Variants in CNTNAP2 observed in about 807,000 individuals in gnomAD.
CNTNAP2 encodes contactin associated protein 2, also known as contactin-associated protein-like 2.
In CNTNAP2, 98 loss-of-function variants were observed where a neutral mutation model predicts 155.2. The observed-to-expected ratio is 0.63, with a 90% CI of 0.54 to 0.75. The LOEUF is 0.75. Ranked by LOEUF, CNTNAP2 falls within the 30% of genes least tolerant of loss-of-function variation. CNTNAP2 has a pLI of 0.00. For synonymous variants in CNTNAP2, 651 were observed against 631.2 expected (o/e 1.03, Z -0.47); for missense variants, 1,727 against 1,688.1 (o/e 1.02, Z -0.40).
At chr7:146,331,801 A>G (rs970898439) in intron 1 of CNTNAP2, among the ~76,000 whole-genome samples, 2 of 152,210 alleles carry the variant, frequency 1.3e-5, no homozygotes, top group African/African-American at 4.8e-5. Flanking sequence ...AGTCATCTCT[A>G]ACTGGTCACA....
intron 15 of CNTNAP2, among the ~76,000 whole-genome samples, chr7:148,011,362 G>A (rs1802077718): frequency 6.6e-6 from 1 of 151,918 alleles, no homozygotes; most frequent in Admixed American, 6.6e-5. Flanking sequence ...TTTCCTTTTG[G>A]TACATTTTAA....
intron 15 of CNTNAP2, among the ~76,000 whole-genome samples, chr7:148,056,067 T>G (rs1209822005): frequency 6.6e-6 from 1 of 152,164 alleles, no homozygotes; most frequent in African/African-American, 2.4e-5. Context: ...CTCAGTGACT[T>G]TGAATAAAAG....
intron 3 of CNTNAP2, among the ~76,000 whole-genome samples, chr7:146,979,639 G>C (rs1797976338): frequency 6.6e-6 from 1 of 152,110 alleles, no homozygotes; most frequent in South Asian, 2.1e-4. Flanking sequence ...CCAACACTAT[G>C]AGCAGTGTTG....
chr7:146,837,142 T>A (rs1803633498), intron 2 of CNTNAP2, among the ~76,000 whole-genome samples: 1 of 152,122 alleles, frequency 6.6e-6, no homozygotes, highest in Non-Finnish European at 1.5e-5. Flanking sequence ...TCAAACATAT[T>A]TTATTCTGAC....
In CNTNAP2 at chr7:147,974,934, A is replaced by G. The variant is rs573792123; in HGVS notation, c.2256-2928A>G. Among the ~76,000 whole-genome samples, 16 of 151,662 alleles carry G rather than the reference A, an allele frequency of 1.1e-4. No individual in the cohort carries two copies. The East Asian group carries it at 2.5e-3, about 24-fold the overall frequency. On this transcript the variant is annotated intron_variant, in intron 14 of 23. Transcript: ENST00000361727. ...AAATGACAATAGAATATTCATTCTT[A>G]TTGTTGTATTATATTTTATTTATAT...
Position 147,584,275 on chromosome 7 carries a change from C to G in CNTNAP2, c.1897+22018C>G, listed in dbSNP as rs114256714. 5.7e-3 allele frequency among the ~76,000 whole-genome samples: 870 copies of G among 152,258 alleles called. 4 individuals carry two copies. The highest frequency in any genetic ancestry group is 0.02 in the African/African-American group (812 of 41,534). On this transcript the variant is annotated intron_variant, in intron 12 of 23. Transcript: ENST00000361727. ...ACGATAGAGTGGTGTATCTTACAATCCATGGCCTCCTAATTATGAAATATA... is the reference window on the plus strand; with the variant it reads ...ACGATAGAGTGGTGTATCTTACAATGCATGGCCTCCTAATTATGAAATATA...
chr7:147,637,192 T>A (rs1313902952), intron 12 of CNTNAP2, among the ~76,000 whole-genome samples: 1 of 152,046 alleles, frequency 6.6e-6, no homozygotes, highest in Non-Finnish European at 1.5e-5. Context: ...CTCACTTATA[T>A]TTGAAAAACC....
intron 1 of CNTNAP2, among the ~76,000 whole-genome samples, chr7:146,130,952 C>T (rs1347556428): frequency 2.0e-5 from 3 of 152,150 alleles, no homozygotes; most frequent in African/African-American, 7.2e-5. Context: ...ATCCAGTCAC[C>T]CCCAACCAGG....
chr7:147,499,038 G>A (rs1798763361), intron 11 of CNTNAP2, among the ~76,000 whole-genome samples: 1 of 152,142 alleles, frequency 6.6e-6, no homozygotes, highest in Admixed American at 6.5e-5. Flanking sequence ...TAAGAAAACT[G>A]TGTTTTCATT....
intron 13 of CNTNAP2, among the ~76,000 whole-genome samples, chr7:147,719,329 T>C (rs1276330938): frequency 6.6e-6 from 1 of 152,096 alleles, no homozygotes; most frequent in Non-Finnish European, 1.5e-5. Flanking sequence ...TTCTCTCTGG[T>C]AGACATAGCT....
intron 1 of CNTNAP2, among the ~76,000 whole-genome samples, chr7:146,616,799 A>C (rs1799232051): frequency 6.6e-6 from 1 of 152,168 alleles, no homozygotes; most frequent in African/African-American, 2.4e-5. Flanking sequence ...CCTTTTCTGT[A>C]TCGGGTTTGC....
chr7:148,380,280 CTTT>C (rs1799023943), intron 21 of CNTNAP2, among the ~76,000 whole-genome samples: 4 of 152,162 alleles, frequency 2.6e-5, no homozygotes, highest in Admixed American at 6.5e-5. Context: ...GAGTAACATA[CTTT>C]ACTTGTAATA....
rs1563079292 is a variant in CNTNAP2 at position 147,108,327 on chromosome 7, A to T, written c.731A>T (p.Lys244Met). 1.2e-6 allele frequency: 2 copies of T among 1,613,510 alleles called. No homozygotes were observed. Among genetic ancestry groups the T allele is most frequent in the Non-Finnish European group, 8.5e-7 (1 of 1,179,660 alleles). ...DYITLELKKA[K>M]LVLSLNLGSN... The stretch of plus-strand genomic sequence containing the variant: ...ATTACCTTGGAACTGAAAAAAGCCA[A>T]GCTGGTCCTCAGTTTAAACTTAGGT... Residue 244 changes from lysine to methionine, a missense_variant, in exon 5 of 24, where the codon AAG becomes ATG. Transcript: ENST00000361727.
chr7:148,382,196 C>T (rs1799078583), intron 21 of CNTNAP2, among the ~76,000 whole-genome samples: 1 of 152,246 alleles, frequency 6.6e-6, no homozygotes, highest in Non-Finnish European at 1.5e-5. Flanking sequence ...GTGGACGCTT[C>T]TGCCAATGCT....
intron 1 of CNTNAP2, among the ~76,000 whole-genome samples, chr7:146,164,731 C>T (rs1230217574): frequency 6.6e-6 from 1 of 152,140 alleles, no homozygotes; most frequent in Admixed American, 6.5e-5. Context: ...AGTAGGCTAC[C>T]TTTCAGATCA....
In CNTNAP2 at chr7:148,331,092, G is replaced by A. The variant is rs1475212215; in HGVS notation, c.3476-52557G>A. 1.2e-4 allele frequency among the ~76,000 whole-genome samples: 18 copies of A among 149,244 alleles called. 1 individual carries two copies. The highest frequency in any genetic ancestry group is 3.2e-4 in the African/African-American group (13 of 40,114). On this transcript the variant is annotated intron_variant, in intron 21 of 23. Coordinates refer to ENST00000361727, the MANE Select transcript of CNTNAP2 (RefSeq NM_014141.6). Reference sequence around the variant, plus strand: ...GGATGGATGGATAGATGGAGTGGACGGATGGAATGGACAGATGGAGTCAAT... The same window carrying A: ...GGATGGATGGATAGATGGAGTGGACAGATGGAATGGACAGATGGAGTCAAT...
At chr7:148,030,140 C>G (rs1424480629) in intron 15 of CNTNAP2, among the ~76,000 whole-genome samples, 3 of 152,134 alleles carry the variant, frequency 2.0e-5, no homozygotes, top group African/African-American at 7.2e-5. Flanking sequence ...GCTGCTATAG[C>G]CCAGTTAAAT....
intron 15 of CNTNAP2, among the ~76,000 whole-genome samples, chr7:148,016,565 G>T (rs1183312670): frequency 6.6e-6 from 1 of 152,212 alleles, no homozygotes; most frequent in Admixed American, 6.5e-5. Flanking sequence ...AAATCACAGA[G>T]CTTCGCAAGA....
At chr7:148,109,398 G>T (rs1563202207) in intron 15 of CNTNAP2, among the ~76,000 whole-genome samples, 3 of 150,528 alleles carry the variant, frequency 2.0e-5, no homozygotes, top group Admixed American at 1.3e-4. Context: ...GTTTTGTTTT[G>T]TTTGAGATGG....
Sources: allele counts gnomAD v4.1 joint callset (sites outside exome capture counted in the v4.1 genomes callset), GRCh38; gene constraint gnomAD v4.1.1; transcripts MANE v1.5; gene names NCBI Gene and HGNC (gene_info 2026-07-23, HGNC 2026-07-21).